BRINP1: variants seen among roughly 807,000 people sequenced by gnomAD.
The protein encoded by BRINP1 is BMP/retinoic acid inducible neural specific 1.
BRINP1 carries 17 observed loss-of-function variants against 72.9 expected under a neutral mutation model. The observed-to-expected ratio is 0.23, with a 90% confidence interval of 0.16 to 0.35. The LOEUF (loss-of-function observed/expected upper bound fraction) is 0.35. Ranked by LOEUF, BRINP1 falls within the 10% of genes least tolerant of loss-of-function variation. The pLI is 1.00. For synonymous variants in BRINP1, 418 were observed against 378.5 expected (o/e 1.10, Z -1.21); for missense variants, 850 against 1,001.6 (o/e 0.85, Z 2.04).
chr9:119,261,565 T>C (rs916811184), intron 2 of BRINP1, among the ~76,000 whole-genome samples: 2 of 152,164 alleles, frequency 1.3e-5, no homozygotes, highest in African/African-American at 4.8e-5. Context: ...AAAAATGGTT[T>C]CTCTCCATCA....
At chr9:119,229,560 T>C (rs1417313555) in intron 5 of BRINP1, among the ~76,000 whole-genome samples, 2 of 152,192 alleles carry the variant, frequency 1.3e-5, no homozygotes, top group South Asian at 2.1e-4. Context: ...GGTCATAATG[T>C]AGAAGGTCAG....
chr9:119,314,912 A>G (rs1831110059), intron 1 of BRINP1, among the ~76,000 whole-genome samples: 1 of 152,182 alleles, frequency 6.6e-6, no homozygotes, highest in Admixed American at 6.5e-5. Context: ...GAGGATAATG[A>G]TGATGAATGT....
intron 2 of BRINP1, among the ~76,000 whole-genome samples, chr9:119,277,442 G>A (rs184986596): frequency 3.9e-5 from 6 of 152,236 alleles, no homozygotes; most frequent in Non-Finnish European, 5.9e-5. Flanking sequence ...TAGCTTGATG[G>A]TGAGGATGTT....
rs544344372 is a variant in BRINP1, at chr9:119,259,835, G to A, written c.219-10685C>T. Among the ~76,000 whole-genome samples, 80 of 152,264 alleles carry A rather than the reference G, an allele frequency of 5.3e-4. No homozygotes were observed. In the Middle Eastern group the frequency reaches 0.017, roughly 33 times the overall value. On this transcript the variant is annotated intron_variant, in intron 2 of 7. Transcript: ENST00000265922. ...GAGCTGGTTTTAAAATCCAGGTCTC[G>A]CACACCAGGTCTCTGCTTAATTCCC...
chr9:119,328,291 T>C (rs1200800716), intron 1 of BRINP1, among the ~76,000 whole-genome samples: 1 of 152,084 alleles, frequency 6.6e-6, no homozygotes, highest in Non-Finnish European at 1.5e-5. Context: ...GTCAACAGCA[T>C]GATGGAAACA....
At position 119,313,421 on chromosome 9, in the gene BRINP1, T is replaced by TAAAAAAGAGAGAGA. The variant is rs1265385154; in HGVS notation, c.-50-30_-50-17dup. 46 of 1,446,328 alleles carry TAAAAAAGAGAGAGA rather than the reference T, an allele frequency of 3.2e-5. No individual in the cohort carries two copies. The African/African-American group carries it at 6.8e-4, about 22-fold the overall frequency. 89.6% of individuals were successfully genotyped at this position (1,446,328 alleles called of 1,614,324 possible). A position where few individuals can be genotyped will look rare whatever the true frequency, so the allele number is the denominator to read the frequency against. On this transcript the variant is annotated splice_polypyrimidine_tract_variant and intron_variant, in intron 1 of 7. Coordinates refer to ENST00000265922, the MANE Select transcript of BRINP1 (RefSeq NM_014618.3). ...CTGTGGAGTCCTATAGAAGAAAGAA[T>TAAAAAAGAGAGAGA]AAAAAAGAGAGAGAAAAAAAGAGAA...
intron 2 of BRINP1, chr9:119,283,238 G>GC (rs199694167): frequency 0.24 from 227,392 of 942,896 alleles, 29,382 homozygotes; most frequent in South Asian, 0.29. Flanking sequence ...TGGAACTGCA[G>GC]CTTCAGCTGC....
chr9:119,283,370 C>T (rs1235831468), intron 2 of BRINP1: 1 of 164,742 alleles, frequency 6.1e-6, no homozygotes, highest in East Asian at 1.9e-4. Context: ...CTCTTGCTAA[C>T]TTGCTTTAGC....
chr9:119,365,571 A>C (rs986759837), intron 1 of BRINP1, among the ~76,000 whole-genome samples: 7 of 152,230 alleles, frequency 4.6e-5, no homozygotes, highest in Admixed American at 3.9e-4. Context: ...AAATCAAAAA[A>C]TGTCTCCTTG....
At chr9:119,339,408 T>C (rs1831386018) in intron 1 of BRINP1, among the ~76,000 whole-genome samples, 1 of 152,222 alleles carries the variant, frequency 6.6e-6, no homozygotes, top group African/African-American at 2.4e-5. Context: ...GATTATTTAT[T>C]ATTAGTCTTC....
intron 7 of BRINP1, among the ~76,000 whole-genome samples, chr9:119,181,780 T>C (rs1829560873): frequency 2.0e-5 from 3 of 152,150 alleles, no homozygotes; most frequent in African/African-American, 7.2e-5. Flanking sequence ...AACATGAGCT[T>C]TGGAATCCAA....
rs369506093 is a variant in BRINP1 at position 119,213,989 on chromosome 9, C to A, written c.852G>T (p.Gln284His). 2 of 1,614,056 alleles carry A rather than the reference C, an allele frequency of 1.2e-6. No homozygotes were observed. Among genetic ancestry groups the A allele is most frequent in the African/African-American group, 2.7e-5 (2 of 74,924 alleles). The change falls in exon 6 of 8, where the codon CAG becomes CAT. Residue 284 changes from glutamine to histidine, a missense_variant. Physicochemically the swap from Gln to His is conservative, Grantham distance 24. Coordinates refer to ENST00000265922, the MANE Select transcript of BRINP1 (RefSeq NM_014618.3). ...TGTTGGCCAGCGTGTACTCCATGAT[C>A]TGGATGTCCGTGATGGGGCAGTTGC... The part of the protein sequence containing the change: ...PQCNCPITDI[Q>H]IMEYTLANMA...
At chr9:119,338,716 C>CAAA (rs560291604) in intron 1 of BRINP1, among the ~76,000 whole-genome samples, 2,467 of 108,436 alleles carry the variant, frequency 0.023, 82 homozygotes, top group African/African-American at 0.088. Flanking sequence ...ACTAAAAATA[C>CAAA]AAAAAAAAAA....
At chr9:119,291,653 C>A (rs759857543) in intron 2 of BRINP1, among the ~76,000 whole-genome samples, 28 of 152,114 alleles carry the variant, frequency 1.8e-4, no homozygotes, top group Non-Finnish European at 2.8e-4. Context: ...TTTTCTAGTT[C>A]TCTTTGAGAA....
In BRINP1 at chr9:119,167,026, A is replaced by G; in HGVS notation, c.*58T>C. 1.4e-6 allele frequency: 2 copies of G among 1,481,438 alleles called. No individual in the cohort carries two copies. The highest frequency in any genetic ancestry group is 4.6e-5 in the East Asian group (2 of 43,044). The allele number at this position is 1,481,438 out of a possible 1,614,324, so 91.8% of individuals were successfully genotyped here. ...GGGTTTTTTTGTTTTGTTTTGCTTC[A>G]TTTTGTTCTGTTGTGTGTGTACAAC... On this transcript the variant is annotated 3_prime_UTR_variant, in exon 8 of 8. Coordinates refer to ENST00000265922, the MANE Select transcript of BRINP1 (RefSeq NM_014618.3). The surrounding 1 kb of genome is among the most constrained non-coding windows in gnomAD (Gnocchi z 4.3).
At chr9:119,175,106 TTAAAG>T (rs58064138) in intron 7 of BRINP1, among the ~76,000 whole-genome samples, 38,711 of 129,964 alleles carry the variant, frequency 0.3, 5,834 homozygotes, top group African/African-American at 0.44. Flanking sequence ...ACCCTAAAAC[TTAAAG>T]TAAAGTATAA....
intron 2 of BRINP1, among the ~76,000 whole-genome samples, chr9:119,296,639 A>G (rs536310288): frequency 4.1e-4 from 62 of 152,344 alleles, no homozygotes; most frequent in African/African-American, 1.4e-3. Context: ...AGATGAATGG[A>G]CACACACACT....
chr9:119,361,608 ATTCTTC>A (rs145603654), intron 1 of BRINP1, among the ~76,000 whole-genome samples: 1 of 151,314 alleles, frequency 6.6e-6, no homozygotes, highest in African/African-American at 2.4e-5. Context: ...CATGCAACAT[ATTCTTC>A]TTCTTCTTTT....
chr9:119,294,531 A>C (rs1300335688), intron 2 of BRINP1, among the ~76,000 whole-genome samples: 1 of 151,632 alleles, frequency 6.6e-6, no homozygotes, highest in Non-Finnish European at 1.5e-5. Context: ...CATTTCCAAA[A>C]CAACAACAAC....
Sources: gnomAD v4.1 joint callset for allele counts (sites outside exome capture counted in the v4.1 genomes callset) on GRCh38, gnomAD v4.1.1 for gene constraint, Gnocchi (gnomAD v3.1) non-coding constraint, MANE v1.5 for transcripts, NCBI Gene and HGNC (gene_info 2026-07-23, HGNC 2026-07-21) for gene names.